FAM222A: variants seen among roughly 807,000 people sequenced by gnomAD.
FAM222A encodes the protein protein FAM222A.
FAM222A carries 7 observed loss-of-function variants against 25.8 expected under a neutral mutation model. The ratio of observed to expected loss-of-function variants is 0.27; its 90% confidence interval spans 0.15 to 0.51. The LOEUF is 0.51. Ranked by LOEUF, FAM222A falls within the 20% of genes least tolerant of loss-of-function variation. The pLI is 0.97. For missense variants in FAM222A, 573 were observed against 640.5 expected (o/e 0.89, Z 1.14); for synonymous variants, 294 against 298.8 (o/e 0.98, Z 0.17).
In FAM222A at chr12:109,768,624, A is replaced by G. The variant is rs770649091; in HGVS notation, c.695A>G (p.Lys232Arg). 2 of 1,602,590 alleles carry G rather than the reference A, an allele frequency of 1.2e-6. No homozygotes were observed. The highest frequency in any genetic ancestry group is 1.7e-6 in the Non-Finnish European group (2 of 1,179,384). Reference protein sequence around the residue: ...GMAIPHPSPAKHGPVPSFPSM... With the variant: ...GMAIPHPSPARHGPVPSFPSM... ...GCTATTCCCCATCCCAGCCCTGCCA[A>G]GCACGGCCCAGTGCCCAGCTTCCCC... Residue 232 changes from lysine to arginine, a missense_variant, in exon 3 of 3, where the codon AAG becomes AGG. By Grantham distance (26) the Lys-to-Arg change is conservative (BLOSUM62 2). Coordinates refer to ENST00000538780, the MANE Select transcript of FAM222A (RefSeq NM_032829.3).
At chr12:109,726,572 G>A (rs7310085) in intron 1 of FAM222A, among the ~76,000 whole-genome samples, 89,980 of 152,116 alleles carry the variant, frequency 0.59, 28,535 homozygotes, top group Non-Finnish European at 0.71. Flanking sequence ...GTCCCAGCAC[G>A]CAGTAGGTGT....
intron 1 of FAM222A, among the ~76,000 whole-genome samples, chr12:109,718,443 A>G (rs867788081): frequency 6.6e-6 from 1 of 152,152 alleles, no homozygotes; most frequent in African/African-American, 2.4e-5. Context: ...AAGGCAGCGA[A>G]GCAGCTCATA....
chr12:109,729,211 A>G (rs1031155881), intron 1 of FAM222A, among the ~76,000 whole-genome samples: 4 of 147,320 alleles, frequency 2.7e-5, no homozygotes, highest in Admixed American at 6.8e-5. Context: ...AGCAGACAAT[A>G]AGAATTTTAG....
chr12:109,747,120 G>A (rs982347669), intron 2 of FAM222A, among the ~76,000 whole-genome samples: 2 of 152,098 alleles, frequency 1.3e-5, no homozygotes, highest in African/African-American at 4.8e-5. Context: ...TTTTGTGACA[G>A]TCTCACTCTG....
rs772687668 is a variant in FAM222A, at chr12:109,768,273, C to T, written c.344C>T (p.Thr115Met). The T allele has an allele frequency of 2.1e-5, 33 of 1,606,660 alleles. No homozygotes were observed. Among genetic ancestry groups the T allele is most frequent in the African/African-American group, 1.1e-4 (8 of 74,770 alleles). The change falls in exon 3 of 3, where the codon ACG becomes ATG. Residue 115 changes from threonine to methionine, a missense_variant. This residue lies in a region of FAM222A where 412 missense variants were observed against 407.0 expected (regional missense o/e 1.01). Coordinates refer to ENST00000538780, the MANE Select transcript of FAM222A (RefSeq NM_032829.3). The stretch of plus-strand genomic sequence containing the variant: ...AAGGCCGCGGTTTCCTCCTCCAGCA[C>T]GGCCGCACCAGCTGGGCCCGCCAAA... Reference protein sequence around the residue: ...IVKAAVSSSSTAAPAGPAKSV... With the variant: ...IVKAAVSSSSMAAPAGPAKSV...
chr12:109,744,133 C>A lies in FAM222A; in HGVS notation c.-14C>A. 6.2e-7 allele frequency: 1 copy of A among 1,611,746 alleles called. No individual in the cohort carries two copies. The highest frequency in any genetic ancestry group is 1.7e-5 in the Admixed American group (1 of 59,920). Reference sequence around the variant, plus strand: ...GTCGCAGAGCGCACCCCACTGGGGACCCCCAGCTCAGCCATGCTGGCCTGT... The same window carrying A: ...GTCGCAGAGCGCACCCCACTGGGGAACCCCAGCTCAGCCATGCTGGCCTGT... On this transcript the variant is annotated 5_prime_UTR_variant, in exon 2 of 3. Coordinates refer to ENST00000538780, the MANE Select transcript of FAM222A (RefSeq NM_032829.3).
At chr12:109,731,566 G>A (rs776834688) in intron 1 of FAM222A, among the ~76,000 whole-genome samples, 1 of 152,170 alleles carries the variant, frequency 6.6e-6, no homozygotes, top group Non-Finnish European at 1.5e-5. Context: ...GTTGCTGCTC[G>A]ATGAAGCCAC....
Position 109,744,161 on chromosome 12 carries a change from G to A in FAM222A, c.15G>A (p.Leu5=). MLAC[L]QRTQNAPGQH... ...CCAGCTCAGCCATGCTGGCCTGTCT[G>A]CAGAGGACCCAGAACGCCCCGGGCC... The change falls in exon 2 of 3, where the codon CTG becomes CTA. Residue 5 remains leucine (L), a synonymous_variant. Coordinates refer to ENST00000538780, the MANE Select transcript of FAM222A (RefSeq NM_032829.3). The A allele has an allele frequency of 6.2e-7, 1 of 1,613,326 alleles. No homozygotes were observed. Among genetic ancestry groups the A allele is most frequent in the Non-Finnish European group, 8.5e-7 (1 of 1,179,972 alleles).
intron 1 of FAM222A, among the ~76,000 whole-genome samples, chr12:109,740,140 G>A (rs1888198269): frequency 6.6e-6 from 1 of 152,190 alleles, no homozygotes; most frequent in Non-Finnish European, 1.5e-5. Context: ...GAGCATCACA[G>A]ACTCAATTCC....
intron 2 of FAM222A, among the ~76,000 whole-genome samples, chr12:109,759,753 C>G (rs1355618778): frequency 6.6e-6 from 1 of 152,208 alleles, no homozygotes; most frequent in Non-Finnish European, 1.5e-5. Context: ...CCAGATGCTG[C>G]CTGGCGGCTG....
intron 2 of FAM222A, among the ~76,000 whole-genome samples, chr12:109,767,454 C>G (rs59734900): frequency 0.21 from 32,131 of 152,086 alleles, 3,617 homozygotes; most frequent in East Asian, 0.39. Flanking sequence ...CATGACTGCA[C>G]CACTGCACTC....
intron 2 of FAM222A, 89 bp from the exon 3 acceptor site, chr12:109,767,923 A>G (rs1889102374): frequency 1.6e-6 from 2 of 1,283,828 alleles, no homozygotes; most frequent in South Asian, 1.4e-5. Flanking sequence ...TGAATGGGAA[A>G]TGAGTGGAGG....
intron 1 of FAM222A, among the ~76,000 whole-genome samples, chr12:109,725,640 G>A (rs1468633966): frequency 6.6e-6 from 1 of 151,950 alleles, no homozygotes; most frequent in African/African-American, 2.4e-5. Context: ...CAGGCACCAG[G>A]CAGCCCATTC....
chr12:109,768,967 G>A lies in FAM222A; in HGVS notation c.1038G>A (p.Ala346=), dbSNP rs372613814. 2.3e-5 allele frequency: 36 copies of A among 1,571,260 alleles called. No individual in the cohort carries two copies. The highest frequency in any genetic ancestry group is 3.3e-4 in the Middle Eastern group (2 of 6,048). The part of the protein sequence containing the change: ...PTSFTVGQYF[A]APWNSVLVTP... ...GCTTCACCGTAGGCCAGTACTTTGC[G>A]GCCCCGTGGAACAGTGTGCTGGTGA... The change falls in exon 3 of 3, where the codon GCG becomes GCA. Residue 346 remains alanine (A), a synonymous_variant. Transcript: ENST00000538780.
intron 1 of FAM222A, among the ~76,000 whole-genome samples, chr12:109,718,384 C>T (rs1394158304): frequency 6.7e-6 from 1 of 150,232 alleles, no homozygotes; most frequent in Admixed American, 6.6e-5. Flanking sequence ...GGTCCCTCCC[C>T]AACCTCCCTC....
intron 2 of FAM222A, among the ~76,000 whole-genome samples, chr12:109,766,564 C>T (rs922848649): frequency 6.6e-6 from 1 of 152,238 alleles, no homozygotes; most frequent in African/African-American, 2.4e-5. Context: ...TAGTAGCACA[C>T]TTAACCAGCC....
At chr12:109,729,454 G>A (rs1217984953) in intron 1 of FAM222A, among the ~76,000 whole-genome samples, 2 of 152,136 alleles carry the variant, frequency 1.3e-5, no homozygotes, top group Non-Finnish European at 2.9e-5. Context: ...GACACCCCCA[G>A]CCAGCGCCTT....
At chr12:109,732,033 C>T (rs892232289) in intron 1 of FAM222A, among the ~76,000 whole-genome samples, 13 of 152,314 alleles carry the variant, frequency 8.5e-5, no homozygotes, top group South Asian at 2.1e-4. Context: ...ACACAACCTT[C>T]TCACGCAGGG....
chr12:109,769,429 G>A lies in FAM222A; in HGVS notation c.*141G>A, dbSNP rs547709868. ...CCACAGGGGAGCCAGGCTGGCTGCC[G>A]CCTCGCTGTGGCCGGATGGAGGGTG... On this transcript the variant is annotated 3_prime_UTR_variant, in exon 3 of 3. Transcript: ENST00000538780. The A allele has an allele frequency of 7.2e-5, 78 of 1,079,936 alleles. No homozygotes were observed. In the East Asian group the frequency reaches 7.3e-4, roughly 10 times the overall value. The allele number at this position is 1,079,936 out of a possible 1,614,324, so 66.9% of individuals were successfully genotyped here. A position where few individuals can be genotyped will look rare whatever the true frequency, so the allele number is the denominator to read the frequency against.
Sources: allele counts gnomAD v4.1 joint callset (sites outside exome capture counted in the v4.1 genomes callset), GRCh38; gene constraint gnomAD v4.1.1; regional missense constraint gnomAD v4.1.1; transcripts MANE v1.5; gene names NCBI Gene and HGNC (gene_info 2026-07-23, HGNC 2026-07-21).